Variants in DHX30 observed in about 807,000 individuals in gnomAD.
DHX30 encodes ATP-dependent RNA helicase DHX30.
Under a neutral mutation model 116.9 loss-of-function variants are expected in DHX30, and 4 were observed. That is an observed-to-expected ratio of 0.03 (90% CI 0.02 to 0.08). The LOEUF (loss-of-function observed/expected upper bound fraction) is 0.08. DHX30 is among the 10% of genes least tolerant of loss of function. DHX30 has a pLI of 1.00. For synonymous variants in DHX30, 697 were observed against 651.7 expected (o/e 1.07, Z -1.06); for missense variants, 871 against 1,595.1 (o/e 0.55, Z 7.73).
Position 47,847,570 on chromosome 3 carries a change from G to T in DHX30, c.2110+34G>T. 6.5e-7 allele frequency: 1 copy of T among 1,543,624 alleles called. No individual in the cohort carries two copies. ...CCCGGCGGAGGGACCAGGGACCTTT[G>T]GAAACCAGCCTGACCTCTGTCCTAG... On this transcript the variant is annotated intron_variant, in intron 13 of 21. Coordinates refer to ENST00000445061, the MANE Select transcript of DHX30 (RefSeq NM_138615.3). The surrounding 1 kb of genome is among the most constrained non-coding windows in gnomAD (Gnocchi z 5.5).
intron 6 of DHX30, among the ~76,000 whole-genome samples, chr3:47,837,652 A>G (rs1445791184): frequency 1.3e-5 from 2 of 152,144 alleles, no homozygotes; most frequent in Non-Finnish European, 2.9e-5. Flanking sequence ...TCCCAGCTAC[A>G]CAGGAAGCTG....
rs766720466 is a variant in DHX30 at position 47,848,722 on chromosome 3, A to G, written c.2674A>G (p.Ile892Val). 2 of 1,614,096 alleles carry G rather than the reference A, an allele frequency of 1.2e-6. No individual in the cohort carries two copies. Among genetic ancestry groups the G allele is most frequent in the East Asian group, 2.2e-5 (1 of 44,866 alleles). ...RLAKAIVLAA[I>V]FRCLHPLLVV... is the part of the protein sequence containing the mutation. ...GGCCAAGGCCATTGTGTTGGCTGCC[A>G]TCTTCCGTTGCCTGCACCCACTACT... The change falls in exon 17 of 22, where the codon ATC becomes GTC. Residue 892 changes from isoleucine (I) to valine (V), a missense_variant. Physicochemically the swap from Ile to Val is conservative, Grantham distance 29. Coordinates refer to ENST00000445061, the MANE Select transcript of DHX30 (RefSeq NM_138615.3). This position sits in a 1 kb window ranked among gnomAD's most constrained non-coding sequence, Gnocchi z 9.4.
Position 47,847,830 on chromosome 3 carries a change from T to C in DHX30, c.2160T>C (p.Pro720=). ...MMDQKAIFQQ[P]PVGVRKIVLA... ...ATCAGAAGGCCATATTCCAGCAGCC[T>C]CCAGTTGGGGTGCGCAAGATTGTCT... Residue 720 remains proline, a synonymous_variant, in exon 14 of 22, where the codon CCT becomes CCC. Coordinates refer to ENST00000445061, the MANE Select transcript of DHX30 (RefSeq NM_138615.3). The surrounding 1 kb of genome is among the most constrained non-coding windows in gnomAD (Gnocchi z 5.5). 6.2e-7 allele frequency: 1 copy of C among 1,614,154 alleles called. No individual in the cohort carries two copies. Among genetic ancestry groups the C allele is most frequent in the East Asian group, 2.2e-5 (1 of 44,880 alleles).
At chr3:47,837,255 G>T (rs546181996) in intron 6 of DHX30, among the ~76,000 whole-genome samples, 1 of 152,210 alleles carries the variant, frequency 6.6e-6, no homozygotes, top group Non-Finnish European at 1.5e-5. Flanking sequence ...GCGGTAGACG[G>T]GCAGGGAGGA....
At chr3:47,845,614 C>G in intron 9 of DHX30, 86 bp from the exon 10 acceptor site, 1 of 1,381,542 alleles carries the variant, frequency 7.2e-7, no homozygotes, top group Non-Finnish European at 9.5e-7. Flanking sequence ...CTTGGCACAA[C>G]TTATGCGTTG....
intron 2 of DHX30, among the ~76,000 whole-genome samples, chr3:47,807,743 TA>T (rs1371638970): frequency 6.8e-6 from 1 of 147,690 alleles, no homozygotes; most frequent in African/African-American, 2.5e-5. Context: ...ATCAAGAGTC[TA>T]TTTGCAAGCA....
At chr3:47,810,787 C>A in intron 3 of DHX30, 76 bp downstream of exon 3, 1 of 1,437,004 alleles carries the variant, frequency 7.0e-7, no homozygotes, top group Non-Finnish European at 9.8e-7. Flanking sequence ...GTGAAAGTCT[C>A]TCCCCAGTAT....
intron 3 of DHX30, among the ~76,000 whole-genome samples, chr3:47,814,570 T>G (rs2035964470): frequency 1.3e-5 from 2 of 152,056 alleles, no homozygotes; most frequent in Admixed American, 1.3e-4. Flanking sequence ...TGGACAGCAT[T>G]GGGAGACCCT....
intron 4 of DHX30, among the ~76,000 whole-genome samples, chr3:47,821,214 C>T (rs1356958083): frequency 1.2e-4 from 19 of 152,286 alleles, no homozygotes. Context: ...CCTCAGCCTC[C>T]CAAAGTGCTG....
intron 6 of DHX30, among the ~76,000 whole-genome samples, chr3:47,830,110 A>G (rs996604212): frequency 8.0e-5 from 12 of 150,140 alleles, no homozygotes; most frequent in Middle Eastern, 3.4e-3. Flanking sequence ...GATTACAGGC[A>G]TGAGCCACCA....
intron 8 of DHX30, 30 bp downstream of exon 8, chr3:47,841,767 G>C (rs374735711): frequency 6.2e-7 from 1 of 1,613,926 alleles, no homozygotes; most frequent in Non-Finnish European, 8.5e-7. Flanking sequence ...AGTTTGTGTG[G>C]GGGCCGTTTA....
At chr3:47,839,218 T>C (rs1380345908) in intron 6 of DHX30, among the ~76,000 whole-genome samples, 1 of 151,930 alleles carries the variant, frequency 6.6e-6, no homozygotes, top group Non-Finnish European at 1.5e-5. Flanking sequence ...TTTGTATAAA[T>C]AGCTTTAACA....
chr3:47,810,818 T>C (rs367934792), intron 3 of DHX30, 107 bp downstream of exon 3: 2 of 1,238,480 alleles, frequency 1.6e-6, no homozygotes, highest in South Asian at 1.2e-5. Flanking sequence ...CACATTTCTT[T>C]GGGTGGTTTT....
At chr3:47,831,648 A>G (rs893038189) in intron 6 of DHX30, among the ~76,000 whole-genome samples, 5 of 149,424 alleles carry the variant, frequency 3.3e-5, no homozygotes, top group Admixed American at 2.7e-4. Flanking sequence ...TGACTTGGCC[A>G]TCTTCGTTCA....
At chr3:47,815,723 C>CAAAAAAAAAAAAAA (rs11349970) in intron 3 of DHX30, among the ~76,000 whole-genome samples, 5 of 20,758 alleles carry the variant, frequency 2.4e-4, no homozygotes, top group Admixed American at 7.7e-4. Context: ...TAAAAAAGAG[C>CAAAAAAAAAAAAAA]AAAAAAAAAA....
chr3:47,842,910 G>A (rs895235427), intron 8 of DHX30, among the ~76,000 whole-genome samples, 196 bp from the exon 9 acceptor site: 1 of 152,218 alleles, frequency 6.6e-6, no homozygotes, highest in Non-Finnish European at 1.5e-5. Context: ...AGCAGGAGAA[G>A]CGAGCCTGGG....
chr3:47,835,062 AGCGCGATCTCG>A (rs2037040536), intron 6 of DHX30, among the ~76,000 whole-genome samples: 1 of 151,708 alleles, frequency 6.6e-6, no homozygotes, highest in Admixed American at 6.6e-5. Context: ...AGAGTGCAGC[AGCGCGATCTCG>A]GCTTACTGCA....
At chr3:47,815,150 G>T (rs1264000416) in intron 3 of DHX30, among the ~76,000 whole-genome samples, 1 of 152,144 alleles carries the variant, frequency 6.6e-6, no homozygotes, top group Non-Finnish European at 1.5e-5. Flanking sequence ...ATTGACTGGG[G>T]CTTGAATCTG....
chr3:47,837,578 T>C (rs548049121), intron 6 of DHX30, among the ~76,000 whole-genome samples: 5 of 152,186 alleles, frequency 3.3e-5, no homozygotes, highest in Non-Finnish European at 7.4e-5. Flanking sequence ...CTGGCCGACA[T>C]GGTGAAACCC....
Sources: allele counts gnomAD v4.1 joint callset (sites outside exome capture counted in the v4.1 genomes callset), GRCh38; gene constraint gnomAD v4.1.1; non-coding constraint Gnocchi (gnomAD v3.1); transcripts MANE v1.5; gene names NCBI Gene and HGNC (gene_info 2026-07-23, HGNC 2026-07-21).